SYNE2: variants seen among roughly 807,000 people sequenced by gnomAD.
SYNE2 encodes the protein spectrin repeat containing nuclear envelope protein 2.
In SYNE2, 431 loss-of-function variants were observed where a neutral mutation model predicts 856.3. The observed-to-expected ratio is 0.50, with a 90% CI of 0.47 to 0.55. The LOEUF (loss-of-function observed/expected upper bound fraction) is 0.55. SYNE2 is among the 20% of genes least tolerant of loss of function. SYNE2 has a pLI of 0.00. For missense variants in SYNE2, 8,129 were observed against 8,023.2 expected, an observed-to-expected ratio of 1.01 and a Z score of -0.50; for synonymous variants, 2,923 against 2,872.3, an observed-to-expected ratio of 1.02 and a Z score of -0.56.
intron 1 of SYNE2, among the ~76,000 whole-genome samples, chr14:63,853,399 G>C (rs909024897): frequency 7.3e-5 from 11 of 151,578 alleles, no homozygotes; most frequent in Non-Finnish European, 1.3e-4. Context: ...GCGAGCGCCA[G>C]CGGGTGGCGT....
At chr14:63,970,651 C>CTTTTTTTT (rs61126600) in intron 11 of SYNE2, among the ~76,000 whole-genome samples, 352 of 98,860 alleles carry the variant, frequency 3.6e-3, no homozygotes, top group Non-Finnish European at 5.0e-3. Context: ...TTTCTTTTTT[C>CTTTTTTTT]TTTTTTTTTT....
chr14:64,143,911 G>T lies in SYNE2; in HGVS notation c.15446G>T (p.Arg5149Leu), dbSNP rs142206385. ...GCAGAGCACCTGGGGGAGATGAACCGCCAGTGGCACCGTGTACATGGAATG... is the reference window on the plus strand; with the variant it reads ...GCAGAGCACCTGGGGGAGATGAACCTCCAGTGGCACCGTGTACATGGAATG... ...EFAEHLGEMNRQWHRVHGMLN... is the reference protein window; with the variant it reads ...EFAEHLGEMNLQWHRVHGMLN... Residue 5149 changes from arginine (R) to leucine (L), a missense_variant, in exon 83 of 116, where the codon CGC (arginine) becomes CTC (leucine). Physicochemically the swap from Arg to Leu is moderately radical, Grantham distance 102. Coordinates refer to ENST00000555002, the MANE Select transcript of SYNE2 (RefSeq NM_182914.3). 6.2e-7 allele frequency: 1 copy of T among 1,614,188 alleles called. No homozygotes were observed. The highest frequency in any genetic ancestry group is 1.7e-4 in the Middle Eastern group (1 of 6,060).
intron 96 of SYNE2, among the ~76,000 whole-genome samples, chr14:64,184,529 C>G (rs1325085735): frequency 6.6e-6 from 1 of 152,186 alleles, no homozygotes; most frequent in Non-Finnish European, 1.5e-5. Context: ...GTGGCCGAGC[C>G]AGCACCTCTG....
At chr14:63,810,053 C>T (rs964997459) in intron 1 of SYNE2, among the ~76,000 whole-genome samples, 1 of 152,066 alleles carries the variant, frequency 6.6e-6, no homozygotes, top group African/African-American at 2.4e-5. Flanking sequence ...CAGACACTGT[C>T]TCTACAAAAA....
At chr14:64,120,609 C>T (rs1418928636) in intron 67 of SYNE2, among the ~76,000 whole-genome samples, 1 of 151,836 alleles carries the variant, frequency 6.6e-6, no homozygotes, top group Non-Finnish European at 1.5e-5. Context: ...ACTAAAAATA[C>T]AAAAATTAGC....
At chr14:63,961,373 C>A in intron 8 of SYNE2, 152 bp from the exon 9 acceptor site, 1 of 696,136 alleles carries the variant, frequency 1.4e-6, no homozygotes, top group Non-Finnish European at 2.6e-6. Context: ...TGCAGCAAGG[C>A]TGAGTAAACA....
intron 7 of SYNE2, among the ~76,000 whole-genome samples, chr14:63,952,772 T>C (rs552759268): frequency 5.9e-5 from 9 of 152,384 alleles, no homozygotes; most frequent in African/African-American, 1.9e-4. Context: ...GTCATAGTTT[T>C]AAGCTTTTTT....
At chr14:64,129,643 C>A in intron 74 of SYNE2, 139 bp from the exon 75 acceptor site, 1 of 1,198,684 alleles carries the variant, frequency 8.3e-7, no homozygotes, top group Non-Finnish European at 1.2e-6. Context: ...TTAAGGAGAG[C>A]AGGAGGTGAG....
intron 1 of SYNE2, among the ~76,000 whole-genome samples, chr14:63,764,391 C>T (rs755815293): frequency 5.3e-5 from 8 of 152,034 alleles, no homozygotes; most frequent in Non-Finnish European, 1.2e-4. Context: ...CAGTGAGGGC[C>T]AGCTGCAATG....
chr14:64,126,586 T>C lies in SYNE2; in HGVS notation c.13708-12T>C, dbSNP rs1327413859. On this transcript the variant is annotated splice_polypyrimidine_tract_variant and intron_variant, in intron 72 of 115. Transcript: ENST00000555002. ...AGAGCTCATTCATTGTCTTCCTTCC[T>C]CTCCACTCCAGACGCTGGCTCTTGA... The C allele has an allele frequency of 1.2e-6, 2 of 1,614,054 alleles. No individual in the cohort carries two copies. Among genetic ancestry groups the C allele is most frequent in the Non-Finnish European group, 1.7e-6 (2 of 1,180,038 alleles).
intron 22 of SYNE2, among the ~76,000 whole-genome samples, chr14:63,994,304 T>A (rs532311117): frequency 3.0e-4 from 45 of 152,320 alleles, no homozygotes; most frequent in Admixed American, 1.8e-3. Flanking sequence ...TTCTGGTAAT[T>A]AATGGCAATT....
At chr14:64,167,462 A>T (rs765801822) in intron 91 of SYNE2, 33 bp from the exon 92 acceptor site, 1 of 1,614,234 alleles carries the variant, frequency 6.2e-7, no homozygotes, top group Admixed American at 1.7e-5. Context: ...TGGCATTGTT[A>T]ACATGGGTGT....
intron 55 of SYNE2, 117 bp downstream of exon 55, chr14:64,078,723 C>A (rs969470787): frequency 3.4e-5 from 44 of 1,295,590 alleles, no homozygotes; most frequent in African/African-American, 2.8e-4. Context: ...AAATTGTAAA[C>A]CAAATCCACA....
rs566122701 is a variant in SYNE2 at position 63,906,354 on chromosome 14, T to G, written c.-51-2744T>G. Among the ~76,000 whole-genome samples, 69 of 152,280 alleles carry G rather than the reference T, an allele frequency of 4.5e-4. 1 individual carries two copies. The highest frequency in any genetic ancestry group is 1.6e-3 in the African/African-American group (66 of 41,556). On this transcript the variant is annotated intron_variant, in intron 1 of 115. Transcript: ENST00000555002. ...AGGGAGGAGTCCCTCCTCCTTGATT[T>G]TTTGGAATTGTTTCAGTAGGATTTG...
rs201591163 is a variant in SYNE2 at position 63,948,660 on chromosome 14, C to CAA, written c.409-1153_409-1152dup. 3.0e-4 allele frequency among the ~76,000 whole-genome samples: 30 copies of CAA among 98,742 alleles called. 1 individual carries two copies. Among genetic ancestry groups the CAA allele is most frequent in the Admixed American group, 7.5e-4 (7 of 9,378 alleles). 64.8% of individuals were successfully genotyped at this position (98,742 alleles called of 152,430 possible). ...TGGGCGACGGAGCGAGACTCCATCT[C>CAA]AAAAAAAAAAAAATTATATATATAT... On this transcript the variant is annotated intron_variant, in intron 6 of 115. Coordinates refer to ENST00000555002, the MANE Select transcript of SYNE2 (RefSeq NM_182914.3).
At chr14:64,221,997 T>A (rs567586521) in intron 112 of SYNE2, among the ~76,000 whole-genome samples, 15 of 152,352 alleles carry the variant, frequency 9.8e-5, no homozygotes, top group Non-Finnish European at 2.1e-4. Context: ...TATTTTTCTC[T>A]CGTGAATCCT....
intron 52 of SYNE2, among the ~76,000 whole-genome samples, chr14:64,072,396 C>T (rs901839375): frequency 6.6e-6 from 1 of 152,228 alleles, no homozygotes; most frequent in East Asian, 1.9e-4. Flanking sequence ...ACACTATCCA[C>T]CCGGAGACAG....
In SYNE2 at chr14:64,024,168, T is replaced by C. The variant is rs117048629; in HGVS notation, c.5638-89T>C. 2.8e-3 allele frequency: 3,040 copies of C among 1,085,890 alleles called. 62 individuals are homozygous for C. The East Asian group carries it at 0.037, about 13-fold the overall frequency. 67.3% of individuals were successfully genotyped at this position (1,085,890 alleles called of 1,614,324 possible). ...GGATCTTAAGAAGGTGGTATGTCTG[T>C]GTACTGGTTTGGAAAAGTGTCGTGA... On this transcript the variant is annotated intron_variant, in intron 38 of 115. Coordinates refer to ENST00000555002, the MANE Select transcript of SYNE2 (RefSeq NM_182914.3).
intron 85 of SYNE2, among the ~76,000 whole-genome samples, chr14:64,157,404 TGTA>T (rs2098294869): frequency 6.6e-6 from 1 of 152,232 alleles, no homozygotes; most frequent in Non-Finnish European, 1.5e-5. Flanking sequence ...TCATCGGTGT[TGTA>T]GTATTTACAG....
Sources: gnomAD v4.1 joint callset for allele counts (sites outside exome capture counted in the v4.1 genomes callset) on GRCh38, gnomAD v4.1.1 for gene constraint, MANE v1.5 for transcripts, NCBI Gene and HGNC (gene_info 2026-07-23, HGNC 2026-07-21) for gene names.